Variants in EYS observed in about 807,000 individuals in gnomAD.
EYS encodes EGF-like photoreceptor maintenance factor, also known as protein eyes shut homolog.
Under a neutral mutation model 282.1 loss-of-function variants are expected in EYS, and 250 were observed. The observed-to-expected ratio is 0.89, with a 90% confidence interval of 0.80 to 0.98. The LOEUF is 0.98. EYS is among the 50% of genes least tolerant of loss of function. The pLI is 0.00. For synonymous variants in EYS, 1,355 were observed against 1,282.9 expected (o/e 1.06, Z -1.20); for missense variants, 4,016 against 3,709.0 (o/e 1.08, Z -2.15).
chr6:65,136,969 A>T (rs1776039436), intron 12 of EYS, among the ~76,000 whole-genome samples: 1 of 152,142 alleles, frequency 6.6e-6, no homozygotes, highest in Non-Finnish European at 1.5e-5. Flanking sequence ...GGTGTGAGCC[A>T]CTGCACCCAG....
chr6:64,929,903 G>C (rs1768651983), intron 15 of EYS, among the ~76,000 whole-genome samples: 1 of 152,044 alleles, frequency 6.6e-6, no homozygotes, highest in South Asian at 2.1e-4. Flanking sequence ...TTAACACTGT[G>C]ATTTCTGCAT....
intron 12 of EYS, among the ~76,000 whole-genome samples, chr6:65,100,458 G>A (rs1263181658): frequency 6.6e-6 from 1 of 150,728 alleles, no homozygotes; most frequent in African/African-American, 2.4e-5. Context: ...CAAGGAATCT[G>A]TGCCACATAT....
intron 22 of EYS, among the ~76,000 whole-genome samples, chr6:64,757,178 G>A (rs1772967418): frequency 6.6e-6 from 1 of 152,094 alleles, no homozygotes; most frequent in African/African-American, 2.4e-5. Context: ...ACTCTGTTAT[G>A]ACCTGATGTT....
chr6:65,009,890 C>T (rs1045952776), intron 13 of EYS, among the ~76,000 whole-genome samples: 2 of 152,172 alleles, frequency 1.3e-5, no homozygotes, highest in Admixed American at 6.5e-5. Context: ...ATCCCAAAAC[C>T]CTAAAGCAAC....
intron 26 of EYS, among the ~76,000 whole-genome samples, chr6:64,572,531 G>T (rs182147366): frequency 7.2e-5 from 11 of 152,262 alleles, no homozygotes; most frequent in Admixed American, 3.9e-4. Flanking sequence ...AAACCCCATT[G>T]TCTCAGCCCA....
chr6:64,973,490 G>C (rs1770367696), intron 14 of EYS, among the ~76,000 whole-genome samples: 1 of 151,984 alleles, frequency 6.6e-6, no homozygotes, highest in African/African-American at 2.4e-5. Flanking sequence ...ATCACACTTT[G>C]TGGTGAAAAT....
chr6:64,100,465 C>T (rs901198458), intron 31 of EYS, among the ~76,000 whole-genome samples: 1 of 151,784 alleles, frequency 6.6e-6, no homozygotes, highest in Admixed American at 6.6e-5. Context: ...AATCTCACAG[C>T]CAAAATCCTT....
intron 29 of EYS, among the ~76,000 whole-genome samples, chr6:64,384,763 T>C (rs1772856865): frequency 6.6e-6 from 1 of 152,198 alleles, no homozygotes; most frequent in Non-Finnish European, 1.5e-5. Context: ...TTTATGGTCA[T>C]CAGGGGAAGC....
chr6:64,151,317 T>TTTTATATATA (rs1554212600), intron 31 of EYS, among the ~76,000 whole-genome samples: 1 of 52,450 alleles, frequency 1.9e-5, no homozygotes, highest in South Asian at 6.8e-4. Flanking sequence ...GTGTGTATAT[T>TTTTATATATA]TATATATATA....
intron 31 of EYS, among the ~76,000 whole-genome samples, chr6:64,093,477 G>A (rs933350517): frequency 1.2e-4 from 19 of 152,096 alleles, no homozygotes; most frequent in Admixed American, 1.2e-3. Context: ...CACATCCCTT[G>A]TCAGTTGGAT....
At chr6:65,239,861 T>C (rs1364570419) in intron 12 of EYS, among the ~76,000 whole-genome samples, 4 of 152,182 alleles carry the variant, frequency 2.6e-5, no homozygotes, top group Non-Finnish European at 5.9e-5. Flanking sequence ...ATGAATGTTT[T>C]ACTTTGTACT....
intron 19 of EYS, among the ~76,000 whole-genome samples, chr6:64,874,359 T>G (rs547002151): frequency 6.6e-6 from 1 of 152,264 alleles, no homozygotes; most frequent in Non-Finnish European, 1.5e-5. Context: ...CTTCCCTTTC[T>G]ACTCAATTAG....
At chr6:65,061,131 C>A (rs898615681) in intron 12 of EYS, among the ~76,000 whole-genome samples, 1 of 151,836 alleles carries the variant, frequency 6.6e-6, no homozygotes, top group Non-Finnish European at 1.5e-5. Context: ...GATTTGGCAA[C>A]AATAGGCCAC....
chr6:65,558,053 C>T (rs751703942), intron 2 of EYS, among the ~76,000 whole-genome samples: 24 of 152,194 alleles, frequency 1.6e-4, no homozygotes, highest in Non-Finnish European at 1.2e-4. Context: ...CCAGAACTGG[C>T]ATCCGAGCCC....
At chr6:64,723,875 C>G (rs1174716375) in intron 22 of EYS, among the ~76,000 whole-genome samples, 1 of 152,118 alleles carries the variant, frequency 6.6e-6, no homozygotes, top group East Asian at 1.9e-4. Context: ...AGCCTCATCA[C>G]TGCACTGTGC....
intron 41 of EYS, among the ~76,000 whole-genome samples, chr6:63,735,401 A>G (rs1286746993): frequency 1.3e-5 from 2 of 151,252 alleles, no homozygotes; most frequent in Admixed American, 6.6e-5. Context: ...TTTCACCCAG[A>G]CTCTCCAATT....
At chr6:64,596,329 A>G (rs970570203) in intron 24 of EYS, among the ~76,000 whole-genome samples, 5 of 152,166 alleles carry the variant, frequency 3.3e-5, no homozygotes, top group Non-Finnish European at 7.4e-5. Flanking sequence ...CTATCAAAAG[A>G]CCAATGATAT....
At chr6:64,640,602 G>T (rs1412479960) in intron 22 of EYS, among the ~76,000 whole-genome samples, 1 of 151,720 alleles carries the variant, frequency 6.6e-6, no homozygotes, top group East Asian at 1.9e-4. Context: ...ATAGCATTAG[G>T]ATATATACCT....
intron 26 of EYS, among the ~76,000 whole-genome samples, chr6:64,581,277 A>G (rs1057112968): frequency 3.3e-4 from 50 of 152,242 alleles, no homozygotes; most frequent in Admixed American, 2.6e-3. Context: ...GAGTCTGTGC[A>G]TAAAACTGGG....
Sources: allele counts gnomAD v4.1 joint callset (sites outside exome capture counted in the v4.1 genomes callset), GRCh38; gene constraint gnomAD v4.1.1; transcripts MANE v1.5; gene names NCBI Gene and HGNC (gene_info 2026-07-23, HGNC 2026-07-21).